C3: variants seen among roughly 807,000 people sequenced by gnomAD.
C3 encodes complement C3.
In C3, 97 loss-of-function variants were observed where a neutral mutation model predicts 207.9. That is an observed-to-expected ratio of 0.47 (90% CI 0.40 to 0.55). The LOEUF is 0.55. Among genes scored for constraint, C3 ranks in the 20% least tolerant of loss-of-function variants. The pLI, the probability that C3 is intolerant of heterozygous loss-of-function variation, is 0.00. For missense variants in C3, 1,684 were observed against 2,171.7 expected (o/e 0.78, Z 4.46); for synonymous variants, 848 against 857.6 (o/e 0.99, Z 0.20).
At position 6,678,279 on chromosome 19, in the gene C3, C is replaced by T; in HGVS notation, c.4723G>A (p.Glu1575Lys). ...GTGCGCTGCTGTCCAACCTGCACCT[C>T]ATCCGAGCCTGGAGTGGAGGGGAGA... ...IEQTIKSGSD[E>K]VQVGQQRTFI... is the part of the protein sequence containing the mutation. The change falls in exon 40 of 41, where the codon GAG becomes AAG. Residue 1575 changes from glutamate (E) to lysine (K), a missense_variant. Physicochemically the swap from Glu to Lys is moderately conservative, Grantham distance 56. Around this residue, in one of 3 missense-constraint regions of C3, gnomAD observed 346 missense variants for 380.1 expected, o/e 0.91. Transcript: ENST00000245907. The T allele has an allele frequency of 6.2e-7, 1 of 1,614,168 alleles. No individual in the cohort carries two copies. Among genetic ancestry groups the T allele is most frequent in the South Asian group, 1.1e-5 (1 of 91,084 alleles).
rs1968120480 is a variant in C3 at position 6,719,498 on chromosome 19, G to C, written c.75-95C>G. The C allele has an allele frequency of 8.7e-7, 1 of 1,152,580 alleles. No individual in the cohort carries two copies. Among genetic ancestry groups the C allele is most frequent in the Non-Finnish European group, 1.3e-6 (1 of 782,244 alleles). The allele number at this position is 1,152,580 out of a possible 1,614,324, so 71.4% of individuals were successfully genotyped here. ...AGCGCCTGGCAGGCTGTGTGCCCCAGCCTCTGGTCCTGGAGAGGATCCAGT... is the reference window on the plus strand; with the variant it reads ...AGCGCCTGGCAGGCTGTGTGCCCCACCCTCTGGTCCTGGAGAGGATCCAGT... On this transcript the variant is annotated intron_variant, in intron 1 of 40. Coordinates refer to ENST00000245907, the MANE Select transcript of C3 (RefSeq NM_000064.4). The surrounding 1 kb of genome is among the most constrained non-coding windows in gnomAD (Gnocchi z 5.4).
intron 27 of C3, among the ~76,000 whole-genome samples, chr19:6,687,632 G>C (rs565558308): frequency 9.2e-5 from 14 of 152,226 alleles, no homozygotes; most frequent in Middle Eastern, 3.4e-3. Context: ...ATATGGTGTC[G>C]TTGAATGTAG....
At chr19:6,706,909 C>G (rs375069115) in intron 17 of C3, among the ~76,000 whole-genome samples, 167 bp downstream of exon 17, 34 of 145,042 alleles carry the variant, frequency 2.3e-4, no homozygotes, top group East Asian at 2.2e-3. Context: ...CCTCCTCCCC[C>G]CTGAGACAGG....
At chr19:6,694,384 G>C in intron 24 of C3, 47 bp downstream of exon 24, 1 of 1,554,730 alleles carries the variant, frequency 6.4e-7, no homozygotes, top group Non-Finnish European at 8.9e-7. Flanking sequence ...GGAGGGATGC[G>C]CTCGGAAAGG....
intron 17 of C3, among the ~76,000 whole-genome samples, chr19:6,703,606 CA>C (rs1392626238): frequency 6.6e-6 from 1 of 151,036 alleles, no homozygotes; most frequent in Non-Finnish European, 1.5e-5. Context: ...GACTCCATCT[CA>C]AAAAAAGATA....
Position 6,700,534 on chromosome 19 carries a change from T to C in C3, c.2440+1593A>G, listed in dbSNP as rs1448102820. Among the ~76,000 whole-genome samples the C allele has an allele frequency of 4.8e-5, 2 of 41,828 alleles. 1 individual carries two copies. The highest frequency in any genetic ancestry group is 7.3e-5 in the Non-Finnish European group (2 of 27,472). 27.4% of individuals were successfully genotyped at this position (41,828 alleles called of 152,430 possible). A position where few individuals can be genotyped will look rare whatever the true frequency, so the allele number is the denominator to read the frequency against. On this transcript the variant is annotated intron_variant, in intron 19 of 40. Coordinates refer to ENST00000245907, the MANE Select transcript of C3 (RefSeq NM_000064.4). ...AATATATAATATATGTAATATGATA[T>C]ATTATATATGTAATATATAATATAT... is the stretch of plus-strand genomic sequence containing the variant.
intron 17 of C3, 48 bp downstream of exon 17, chr19:6,707,028 C>G: frequency 7.6e-7 from 1 of 1,312,230 alleles, no homozygotes; most frequent in Non-Finnish European, 1.1e-6. Context: ...GGAGTCTCCT[C>G]CCCCATCAGA....
In C3 at chr19:6,689,326, TA is replaced by T. The variant is rs1918096972; in HGVS notation, c.3489+1302del. Among the ~76,000 whole-genome samples the T allele has an allele frequency of 2.9e-4, 18 of 62,510 alleles. No individual in the cohort carries two copies. The East Asian group carries it at 2.9e-3, about 10-fold the overall frequency. The allele number at this position is 62,510 out of a possible 152,430, so 41.0% of individuals were successfully genotyped here. The stretch of plus-strand genomic sequence containing the variant: ...CTCTCTCTCTCTCTCTCTCTCTACC[TA>T]CCTCCCTCCCTCCCTCCCTCCCTCC... On this transcript the variant is annotated intron_variant, in intron 27 of 40. Transcript: ENST00000245907.
Position 6,694,466 on chromosome 19 carries a change from T to C in C3, c.3119A>G (p.Glu1040Gly), listed in dbSNP as rs1166457420. ...ETEQWEKFGL[E>G]KRQGALELIK... ...GAGCTCCAAGGCCCCCTGCCGCTTC[T>C]CTAGGCCGAACTTCTCCCACTGCTC... The change falls in exon 24 of 41, where the codon GAG becomes GGG. Residue 1040 changes from glutamate to glycine, a missense_variant. By Grantham distance (98) the Glu-to-Gly change is moderately conservative. Coordinates refer to ENST00000245907, the MANE Select transcript of C3 (RefSeq NM_000064.4). 1 of 1,614,102 alleles carries C rather than the reference T, an allele frequency of 6.2e-7. No individual in the cohort carries two copies.
intron 4 of C3, chr19:6,716,771 C>A (rs1340020825): frequency 6.6e-6 from 1 of 152,164 alleles, no homozygotes; most frequent in East Asian, 1.9e-4. Flanking sequence ...ATGAATAAAT[C>A]TCATTTGCAG....
chr19:6,693,862 A>T (rs1157250743), intron 24 of C3, among the ~76,000 whole-genome samples: 1 of 151,910 alleles, frequency 6.6e-6, no homozygotes, highest in Non-Finnish European at 1.5e-5. Context: ...GGCCTTGAGA[A>T]GATGTGGGGA....
chr19:6,718,200 C>T, intron 3 of C3, 36 bp from the exon 4 acceptor site: 1 of 1,614,056 alleles, frequency 6.2e-7, no homozygotes, highest in Non-Finnish European at 8.5e-7. Flanking sequence ...GAGACCCTAG[C>T]CCGCCCACGC....
chr19:6,700,168 CATATT>C (rs1257525368), intron 19 of C3, among the ~76,000 whole-genome samples: 2 of 139,496 alleles, frequency 1.4e-5, no homozygotes, highest in Non-Finnish European at 3.0e-5. Context: ...AATTATAATA[CATATT>C]ATATGTTTAC....
Position 6,686,864 on chromosome 19 carries a change from A to G in C3, c.3528T>C (p.Leu1176=), listed in dbSNP as rs1041439948. 1 of 1,614,086 alleles carries G rather than the reference A, an allele frequency of 6.2e-7. No individual in the cohort carries two copies. Among genetic ancestry groups the G allele is most frequent in the Non-Finnish European group, 8.5e-7 (1 of 1,180,032 alleles). The change falls in exon 28 of 41, where the codon CTT becomes CTC. Residue 1176 remains leucine (L), a synonymous_variant. Coordinates refer to ENST00000245907, the MANE Select transcript of C3 (RefSeq NM_000064.4). ...PGSITKAGDF[L]EANYMNLQRS... is the part of the protein sequence containing the mutation. ...TCTGTAGGTTCATGTAGTTGGCTTC[A>G]AGGAAGTCTCCTGCTTTAGTGATGC... is the stretch of plus-strand genomic sequence containing the variant.
intron 27 of C3, among the ~76,000 whole-genome samples, chr19:6,689,346 TCCCTCCCTCC>T (rs1329415947): frequency 1.2e-3 from 29 of 23,498 alleles, no homozygotes; most frequent in African/African-American, 5.2e-3. Flanking sequence ...CCTCCCTCCC[TCCCTCCCTCC>T]CTCCCTCTCT....
At chr19:6,714,550 A>G in intron 4 of C3, 104 bp from the exon 5 acceptor site, 2 of 830,382 alleles carry the variant, frequency 2.4e-6, no homozygotes, top group South Asian at 1.4e-5. Context: ...CTCTGTGCAC[A>G]GTGTCTACTG....
intron 19 of C3, among the ~76,000 whole-genome samples, chr19:6,700,826 C>A: frequency 1.5e-5 from 2 of 135,572 alleles, no homozygotes; most frequent in Admixed American, 7.8e-5. Context: ...ATAAACATTA[C>A]AATTAATAAA....
Position 6,697,802 on chromosome 19 carries a change from G to A in C3, c.2441-8C>T, listed in dbSNP as rs1303650968. On this transcript the variant is annotated splice_polypyrimidine_tract_variant and splice_region_variant and intron_variant, in intron 19 of 40. Transcript: ENST00000245907. Reference sequence around the variant, plus strand: ...GGTCTGCCACACAGATCCCTGCTCGGGCAGAGACAGAACACGGAGTGTCAA... The same window carrying A: ...GGTCTGCCACACAGATCCCTGCTCGAGCAGAGACAGAACACGGAGTGTCAA... The A allele has an allele frequency of 4.3e-6, 7 of 1,611,354 alleles. No homozygotes were observed. The highest frequency in any genetic ancestry group is 1.7e-5 in the Admixed American group (1 of 59,732).
chr19:6,717,678 TTG>T (rs891684330), intron 4 of C3: 17 of 347,866 alleles, frequency 4.9e-5, no homozygotes, highest in African/African-American at 1.1e-4. Flanking sequence ...TTGTGTTGTG[TTG>T]TGTGTGTTTT....
Sources: gnomAD v4.1 joint callset for allele counts (sites outside exome capture counted in the v4.1 genomes callset) on GRCh38, gnomAD v4.1.1 for gene constraint, gnomAD v4.1.1 regional missense constraint, Gnocchi (gnomAD v3.1) non-coding constraint, MANE v1.5 for transcripts, NCBI Gene and HGNC (gene_info 2026-07-23, HGNC 2026-07-21) for gene names.